The following SMC4 variants were observed in gnomAD, a reference collection of about 807,000 sequenced individuals.
The protein encoded by SMC4 is structural maintenance of chromosomes protein 4.
In SMC4, 87 loss-of-function variants were observed where a neutral mutation model predicts 145.6. The ratio of observed to expected loss-of-function variants is 0.60; its 90% CI spans 0.50 to 0.71. SMC4 has a LOEUF of 0.71. Ranked by LOEUF, SMC4 falls within the 30% of genes least tolerant of loss-of-function variation. SMC4 has a pLI of 0.00. For missense variants in SMC4, 1,447 were observed against 1,537.1 expected (o/e 0.94, Z 0.98); for synonymous variants, 558 against 500.7 (o/e 1.11, Z -1.53).
Position 160,417,921 on chromosome 3 carries a change from G to A in SMC4, c.1636G>A (p.Gly546Arg). 1 of 1,612,362 alleles carries A rather than the reference G, an allele frequency of 6.2e-7. No individual in the cohort carries two copies. The highest frequency in any genetic ancestry group is 8.5e-7 in the Non-Finnish European group (1 of 1,179,388). ...ERKAAIRDIE[G>R]KLPQTEQELK... ...GAAAGCTGCAATCAGAGATATAGAA[G>A]GAAAACTCCCTCAAACTGAACAAGA... is the stretch of plus-strand genomic sequence containing the variant. The change falls in exon 11 of 24, where the codon GGA becomes AGA. Residue 546 changes from glycine (G) to arginine (R), a missense_variant. Physicochemically the swap from Gly to Arg is moderately radical, Grantham distance 125. Coordinates refer to ENST00000357388, the MANE Select transcript of SMC4 (RefSeq NM_001002800.3).
rs374629958 is a variant in SMC4, at chr3:160,402,783, C to G, written c.426C>G (p.Leu142=). 10 of 1,610,872 alleles carry G rather than the reference C, an allele frequency of 6.2e-6. No individual in the cohort carries two copies. The highest frequency in any genetic ancestry group is 8.5e-6 in the Non-Finnish European group (10 of 1,179,138). ...CACAAAAAATAAGATCTAAAAAACT[C>G]TCAGTATTAATACATAATTCTGATG... ...YRAQKIRSKK[L]SVLIHNSDEH... is the part of the protein sequence containing the mutation. The change falls in exon 4 of 24, where the codon CTC becomes CTG. Residue 142 remains leucine, a synonymous_variant. Coordinates refer to ENST00000357388, the MANE Select transcript of SMC4 (RefSeq NM_001002800.3).
chr3:160,423,415 T>C lies in SMC4; in HGVS notation c.2020-10T>C. The C allele has an allele frequency of 6.7e-7, 1 of 1,491,278 alleles. No homozygotes were observed. The highest frequency in any genetic ancestry group is 9.1e-7 in the Non-Finnish European group (1 of 1,101,650). 92.4% of individuals were successfully genotyped at this position (1,491,278 alleles called of 1,614,324 possible). ...CTGTTGTTTTTGTTTGTTTGTTTGT[T>C]TACTTTTAGATGGCTGTATGGGCGA... On this transcript the variant is annotated splice_polypyrimidine_tract_variant and intron_variant, in intron 13 of 23. Transcript: ENST00000357388.
In SMC4 at chr3:160,431,182, AAAAT is replaced by A; in HGVS notation, c.3095_3098del (p.Ile1032AsnfsTer15). 1 of 1,580,668 alleles carries A rather than the reference AAAAT, an allele frequency of 6.3e-7. No individual in the cohort carries two copies. The highest frequency in any genetic ancestry group is 8.6e-7 in the Non-Finnish European group (1 of 1,169,152). ...TGGTCACATTGCTGAACATAATTCT[AAAAT>A]AAAATATTGGCACAAAGAGGTGAGA... On this transcript the variant is annotated frameshift_variant, in exon 20 of 24. Transcript: ENST00000357388. LOFTEE classifies it high-confidence loss of function.
rs1559986195 is a variant in SMC4, at chr3:160,401,910, C to CTT, written c.140-4_140-3dup. 6.3e-7 allele frequency: 1 copy of CTT among 1,597,800 alleles called. No homozygotes were observed. Among genetic ancestry groups the CTT allele is most frequent in the Non-Finnish European group, 8.5e-7 (1 of 1,173,726 alleles). ...CTTCGTTTTCCTTTCCTTTCACTGA[C>CTT]TTAGAGACTGCAAGTGAGGAACTTG... is the stretch of plus-strand genomic sequence containing the variant. On this transcript the variant is annotated splice_polypyrimidine_tract_variant and splice_region_variant and intron_variant, in intron 2 of 23. Transcript: ENST00000357388.
chr3:160,427,989 T>A (rs956663439), intron 17 of SMC4, among the ~76,000 whole-genome samples: 1 of 152,132 alleles, frequency 6.6e-6, no homozygotes, highest in African/African-American at 2.4e-5. Context: ...CACATGCTTA[T>A]AATCCCAGCT....
intron 5 of SMC4, among the ~76,000 whole-genome samples, chr3:160,410,549 G>A (rs1007011026): frequency 2.0e-5 from 3 of 152,116 alleles, no homozygotes; most frequent in African/African-American, 4.8e-5. Flanking sequence ...CTTATATACC[G>A]ATTCATACAT....
intron 2 of SMC4, 41 bp from the exon 3 acceptor site, chr3:160,401,874 C>T (rs368695708): frequency 7.2e-6 from 11 of 1,528,776 alleles, no homozygotes; most frequent in African/African-American, 1.4e-5. Flanking sequence ...GGCTTTTCCC[C>T]CGCCGTTTGC....
intron 1 of SMC4, chr3:160,400,616 C>A: frequency 1.9e-6 from 1 of 537,964 alleles, no homozygotes; most frequent in Non-Finnish European, 3.1e-6. Flanking sequence ...CTAGATTTTC[C>A]CACTTACATA....
chr3:160,431,527 A>C, intron 20 of SMC4, 116 bp from the exon 21 acceptor site: 1 of 800,342 alleles, frequency 1.2e-6, no homozygotes, highest in Non-Finnish European at 2.0e-6. Flanking sequence ...TAATTGATAA[A>C]TCAGTCACAA....
Position 160,414,485 on chromosome 3 carries a change from C to T in SMC4, c.1240C>T (p.Leu414=), listed in dbSNP as rs758740283. 3 of 1,611,244 alleles carry T rather than the reference C, an allele frequency of 1.9e-6. No homozygotes were observed. Among genetic ancestry groups the T allele is most frequent in the Admixed American group, 3.4e-5 (2 of 59,264 alleles). ...LKHATSKAKK[L]EKQLQKDKEK... The stretch of plus-strand genomic sequence containing the variant: ...ACATGCCACGAGTAAAGCCAAAAAA[C>T]TGGAGAAACAACTTCAAAAAGATAA... The change falls in exon 9 of 24, where the codon CTG becomes TTG. Residue 414 remains leucine (L), a synonymous_variant. Transcript: ENST00000357388.
Position 160,434,936 on chromosome 3 carries a change from A to C in SMC4, c.*1127A>C, listed in dbSNP as rs762159843. ...CATTATTAGCATGGACTTTTAAATA[A>C]AGATTTAAAGAAAGCAAGATCGGAA... On this transcript the variant is annotated 3_prime_UTR_variant, in exon 24 of 24. Coordinates refer to ENST00000357388, the MANE Select transcript of SMC4 (RefSeq NM_001002800.3). 6.6e-6 allele frequency: 1 copy of C among 152,226 alleles called. No individual in the cohort carries two copies. Among genetic ancestry groups the C allele is most frequent in the Non-Finnish European group, 1.5e-5 (1 of 68,040 alleles). The allele number at this position is 152,226 out of a possible 1,614,324, so 9.4% of individuals were successfully genotyped here. A position where few individuals can be genotyped will look rare whatever the true frequency, so the allele number is the denominator to read the frequency against.
intron 7 of SMC4, chr3:160,412,773 A>G: frequency 1.1e-6 from 1 of 908,834 alleles, no homozygotes; most frequent in Non-Finnish European, 1.3e-6. Context: ...CCCGTTGATC[A>G]CCAGGGTTGA....
At chr3:160,426,887 A>G (rs1319830632) in intron 17 of SMC4, among the ~76,000 whole-genome samples, 1 of 152,194 alleles carries the variant, frequency 6.6e-6, no homozygotes, top group African/African-American at 2.4e-5. Flanking sequence ...TCCAGCAAAC[A>G]CAGCAAGGTT....
At chr3:160,412,205 A>T in intron 6 of SMC4, 121 bp downstream of exon 6, 1 of 1,416,808 alleles carries the variant, frequency 7.1e-7, no homozygotes, top group South Asian at 1.4e-5. Context: ...TGAAATTTAT[A>T]TCTTAACATT....
rs376065426 is a variant in SMC4, at chr3:160,417,772, G to A, written c.1487G>A (p.Arg496His). The A allele has an allele frequency of 7.4e-6, 12 of 1,613,172 alleles. No individual in the cohort carries two copies. The highest frequency in any genetic ancestry group is 3.3e-5 in the South Asian group (3 of 91,062). ...TTCAGCAAATCGGTAAATGAAGCAC[G>A]TTCAAAGATGGATGTAGCCCAGTCA... ...MGFSKSVNEARSKMDVAQSEL... is the reference protein window; with the variant it reads ...MGFSKSVNEAHSKMDVAQSEL... The change falls in exon 11 of 24, where the codon CGT (arginine) becomes CAT (histidine). Residue 496 changes from arginine to histidine, a missense_variant. Coordinates refer to ENST00000357388, the MANE Select transcript of SMC4 (RefSeq NM_001002800.3).
At chr3:160,409,481 A>G (rs188972987) in intron 5 of SMC4, among the ~76,000 whole-genome samples, 1 of 152,270 alleles carries the variant, frequency 6.6e-6, no homozygotes, top group African/African-American at 2.4e-5. Context: ...CTGTTTCTTA[A>G]TAGCTGTACT....
chr3:160,421,616 C>T (rs1483375547), intron 13 of SMC4, among the ~76,000 whole-genome samples: 1 of 152,012 alleles, frequency 6.6e-6, no homozygotes, highest in Non-Finnish European at 1.5e-5. Context: ...TGGTAGCAGG[C>T]GCCTGTAATC....
chr3:160,432,124 C>T (rs1251338047), intron 21 of SMC4, among the ~76,000 whole-genome samples, 159 bp from the exon 22 acceptor site: 1 of 152,218 alleles, frequency 6.6e-6, no homozygotes, highest in Non-Finnish European at 1.5e-5. Flanking sequence ...ATCGCTTGAA[C>T]CTGGGAGGTG....
intron 5 of SMC4, among the ~76,000 whole-genome samples, chr3:160,406,635 C>T (rs1212545303): frequency 2.0e-5 from 3 of 152,080 alleles, no homozygotes; most frequent in Non-Finnish European, 4.4e-5. Flanking sequence ...TAGTGATTAA[C>T]AGCAAAAGTA....
Sources: gnomAD v4.1 joint callset for allele counts (sites outside exome capture counted in the v4.1 genomes callset) on GRCh38, gnomAD v4.1.1 for gene constraint, MANE v1.5 for transcripts, NCBI Gene and HGNC (gene_info 2026-07-23, HGNC 2026-07-21) for gene names.